MAPKBP1: variants seen among roughly 807,000 people sequenced by gnomAD.
The protein encoded by MAPKBP1 is mitogen-activated protein kinase binding protein 1, also known as mitogen-activated protein kinase-binding protein 1.
MAPKBP1 carries 71 observed loss-of-function variants against 170.5 expected under a neutral mutation model. The ratio of observed to expected loss-of-function variants is 0.42; its 90% CI spans 0.34 to 0.51. MAPKBP1 has a LOEUF of 0.51. Among genes scored for constraint, MAPKBP1 ranks in the 20% least tolerant of loss-of-function variants. MAPKBP1 has a pLI of 0.06. For synonymous variants in MAPKBP1, 719 were observed against 757.9 expected (o/e 0.95, Z 0.84); for missense variants, 1,598 against 1,933.0 (o/e 0.83, Z 3.25).
chr15:41,783,763 A>G (rs2064230093), intron 2 of MAPKBP1, among the ~76,000 whole-genome samples: 1 of 152,228 alleles, frequency 6.6e-6, no homozygotes, highest in South Asian at 2.1e-4. Flanking sequence ...TAATCCCAGC[A>G]CTTTGGGAGG....
At chr15:41,813,155 G>T in intron 8 of MAPKBP1, 54 bp downstream of exon 8, 1 of 1,561,754 alleles carries the variant, frequency 6.4e-7, no homozygotes, top group Non-Finnish European at 8.7e-7. Context: ...GCTCAGGGGA[G>T]AACTAGTGCC....
intron 3 of MAPKBP1, among the ~76,000 whole-genome samples, chr15:41,803,798 C>T (rs2064643624): frequency 6.6e-6 from 1 of 152,084 alleles, no homozygotes; most frequent in African/African-American, 2.4e-5. Context: ...AGTAGTATGA[C>T]TGTAGAGCTC....
In MAPKBP1 at chr15:41,823,717, T is replaced by C. The variant is rs771749648; in HGVS notation, c.3869T>C (p.Leu1290Pro). The stretch of plus-strand genomic sequence containing the variant: ...CTGGCCCTGCCCAGCCGGGCTCACC[T>C]GGTCCTGGACATCCCCAAACCACTG... ...SKLALPSRAH[L>P]VLDIPKPLPD... The change falls in exon 29 of 31, where the codon CTG (leucine) becomes CCG (proline). Residue 1290 changes from leucine (L) to proline (P), a missense_variant. By Grantham distance (98) the Leu-to-Pro change is moderately conservative. This residue lies in a region of MAPKBP1 where 942 missense variants were observed against 953.2 expected (regional missense o/e 0.99). Transcript: ENST00000457542. 7 of 1,614,180 alleles carry C rather than the reference T, an allele frequency of 4.3e-6. No individual in the cohort carries two copies. In the African/African-American group the frequency reaches 6.7e-5, roughly 15 times the overall value.
rs763839520 is a variant in MAPKBP1, at chr15:41,814,747, G to T, written c.1170+8G>T. 2.5e-6 allele frequency: 4 copies of T among 1,610,932 alleles called. No individual in the cohort carries two copies. In the East Asian group the frequency reaches 8.9e-5, roughly 36 times the overall value. On this transcript the variant is annotated splice_region_variant and intron_variant, in intron 10 of 30. Transcript: ENST00000457542. ...TGCGTCTGGAGTGTGGAGGTATGTGGGCTGGCTGGCTGGCTGGAGACTGGC... is the reference window on the plus strand; with the variant it reads ...TGCGTCTGGAGTGTGGAGGTATGTGTGCTGGCTGGCTGGCTGGAGACTGGC...
At chr15:41,786,777 A>AAAAAAAAAAAATAAATATATATATATAT in intron 2 of MAPKBP1, among the ~76,000 whole-genome samples, 1 of 32,470 alleles carries the variant, frequency 3.1e-5, no homozygotes, top group Non-Finnish European at 5.6e-5. Context: ...AAAAAAAAAA[A>AAAAAAAAAAAATAAATATATATATATAT]ATATATATAT....
chr15:41,822,674 T>C lies in MAPKBP1; in HGVS notation c.3311T>C (p.Leu1104Pro). 1 of 1,613,938 alleles carries C rather than the reference T, an allele frequency of 6.2e-7. No individual in the cohort carries two copies. The highest frequency in any genetic ancestry group is 1.3e-5 in the African/African-American group (1 of 74,990). ...CTGTTGCAAGTACAGACCCGCCCACTCAGGTACAGAGGCCCCCTACCCCCC... is the reference window on the plus strand; with the variant it reads ...CTGTTGCAAGTACAGACCCGCCCACCCAGGTACAGAGGCCCCCTACCCCCC... ...RFLLQVQTRP[L>P]REPSPSSSSL... The change falls in exon 27 of 31, where the codon CTC (leucine) becomes CCC (proline). Residue 1104 changes from leucine (L) to proline (P), a missense_variant. Transcript: ENST00000457542.
At position 41,814,580 on chromosome 15, in the gene MAPKBP1, GT is replaced by G; in HGVS notation, c.1012del (p.Tyr338IlefsTer7). ...RLFSGVANAR[Y>X]PDTIALTFDP... ...TCTTCTCTGGAGTGGCGAATGCCAG[GT>G]ATCCAGACACCATTGCCTTGACCTT... On this transcript the variant is annotated frameshift_variant, in exon 10 of 31. Transcript: ENST00000457542. LOFTEE classifies it high-confidence loss of function. The G allele has an allele frequency of 6.2e-7, 1 of 1,614,094 alleles. No homozygotes were observed. The highest frequency in any genetic ancestry group is 8.5e-7 in the Non-Finnish European group (1 of 1,180,006).
At chr15:41,814,834 T>C in intron 10 of MAPKBP1, 95 bp downstream of exon 10, 1 of 1,437,720 alleles carries the variant, frequency 7.0e-7, no homozygotes, top group Non-Finnish European at 9.6e-7. Flanking sequence ...TAATCTTAGA[T>C]TCCTGCTGCC....
At chr15:41,807,365 C>T (rs1370637828) in intron 3 of MAPKBP1, among the ~76,000 whole-genome samples, 1 of 152,170 alleles carries the variant, frequency 6.6e-6, no homozygotes, top group African/African-American at 2.4e-5. Flanking sequence ...GATGCACTAC[C>T]CTTTAAAGGC....
At chr15:41,806,124 A>G (rs182465263) in intron 3 of MAPKBP1, among the ~76,000 whole-genome samples, 1 of 152,336 alleles carries the variant, frequency 6.6e-6, no homozygotes, top group East Asian at 1.9e-4. Context: ...AGTAAGTAAA[A>G]CAGACCAAAA....
At chr15:41,803,742 T>TGTAA (rs2064642604) in intron 3 of MAPKBP1, among the ~76,000 whole-genome samples, 1 of 152,122 alleles carries the variant, frequency 6.6e-6, no homozygotes, top group Non-Finnish European at 1.5e-5. Context: ...GTTAAGGAGT[T>TGTAA]TGCTTGAGGT....
At chr15:41,784,219 T>G (rs1463447521) in intron 2 of MAPKBP1, among the ~76,000 whole-genome samples, 1 of 152,218 alleles carries the variant, frequency 6.6e-6, no homozygotes, top group Non-Finnish European at 1.5e-5. Context: ...TTTCTCAACA[T>G]GTCCTTTCTG....
chr15:41,802,978 C>T (rs1038644030), intron 3 of MAPKBP1, among the ~76,000 whole-genome samples: 2 of 152,126 alleles, frequency 1.3e-5, no homozygotes, highest in Non-Finnish European at 2.9e-5. Context: ...ACATGCCCTT[C>T]GCTGTTGACC....
intron 2 of MAPKBP1, among the ~76,000 whole-genome samples, chr15:41,796,509 C>G (rs1397582871): frequency 6.6e-6 from 1 of 152,160 alleles, no homozygotes; most frequent in Non-Finnish European, 1.5e-5. Flanking sequence ...AAACAGGAAG[C>G]TGGTTTGAGT....
chr15:41,787,807 C>T (rs1326078348), intron 2 of MAPKBP1, among the ~76,000 whole-genome samples: 1 of 152,142 alleles, frequency 6.6e-6, no homozygotes, highest in Non-Finnish European at 1.5e-5. Flanking sequence ...CTTCCTCTGT[C>T]TTTCTGGAAA....
chr15:41,775,435 G>T, intron 2 of MAPKBP1, 46 bp downstream of exon 2: 1 of 1,378,678 alleles, frequency 7.3e-7, no homozygotes, highest in Admixed American at 1.7e-5. Context: ...ACCCTCTCCT[G>T]CTCCATGTTC....
rs1200491299 is a variant in MAPKBP1, at chr15:41,819,242, T to C, written c.2292-4T>C. 6.2e-7 allele frequency: 1 copy of C among 1,613,392 alleles called. No individual in the cohort carries two copies. The highest frequency in any genetic ancestry group is 8.5e-7 in the Non-Finnish European group (1 of 1,179,446). ...CCCCATGCCCTTCCTTGTCTCGGACTCAGGCACCAGGCCCCATCAATGCTG... is the reference window on the plus strand; with the variant it reads ...CCCCATGCCCTTCCTTGTCTCGGACCCAGGCACCAGGCCCCATCAATGCTG... On this transcript the variant is annotated splice_region_variant and splice_polypyrimidine_tract_variant and intron_variant, in intron 20 of 30. Transcript: ENST00000457542.
rs956811838 is a variant in MAPKBP1, at chr15:41,812,379, C to T, written c.499-137C>T. The T allele has an allele frequency of 3.9e-6, 5 of 1,289,620 alleles. No homozygotes were observed. In the African/African-American group the frequency reaches 4.4e-5, roughly 11 times the overall value. 79.9% of individuals were successfully genotyped at this position (1,289,620 alleles called of 1,614,324 possible). On this transcript the variant is annotated intron_variant, in intron 6 of 30. Transcript: ENST00000457542. Reference sequence around the variant, plus strand: ...TCTAGAAAGGGATTATTTCCCTACCCCTCTTTTTCTGGCCAGTAAATTCTG... The same window carrying T: ...TCTAGAAAGGGATTATTTCCCTACCTCTCTTTTTCTGGCCAGTAAATTCTG...
At chr15:41,794,769 C>G (rs1486882697) in intron 2 of MAPKBP1, among the ~76,000 whole-genome samples, 7 of 152,074 alleles carry the variant, frequency 4.6e-5, no homozygotes, top group Non-Finnish European at 4.4e-5. Flanking sequence ...GTCCTGTCCT[C>G]AAAGAGCTCA....
Sources: allele counts gnomAD v4.1 joint callset (sites outside exome capture counted in the v4.1 genomes callset), GRCh38; gene constraint gnomAD v4.1.1; regional missense constraint gnomAD v4.1.1; transcripts MANE v1.5; gene names NCBI Gene and HGNC (gene_info 2026-07-23, HGNC 2026-07-21).